Variants in PRKAR2B observed in about 807,000 individuals in gnomAD.
PRKAR2B encodes the protein cAMP-dependent protein kinase type II-beta regulatory subunit.
A neutral mutation model predicts 49.9 loss-of-function variants in PRKAR2B; 14 were observed. The ratio of observed to expected loss-of-function variants is 0.28; its 90% CI spans 0.19 to 0.44. PRKAR2B has a LOEUF of 0.44. Ranked by LOEUF, PRKAR2B falls within the 20% of genes least tolerant of loss-of-function variation. The probability of loss-of-function intolerance (pLI) is 1.00; values close to 1 mark genes in which losing one functional copy is unlikely to be tolerated. For missense variants in PRKAR2B, 393 were observed against 537.9 expected, an observed-to-expected ratio of 0.73 and a Z score of 2.67; for synonymous variants, 196 against 197.7, an observed-to-expected ratio of 0.99 and a Z score of 0.07.
chr7:107,110,355 C>A (rs973683454), intron 2 of PRKAR2B, among the ~76,000 whole-genome samples: 4 of 152,052 alleles, frequency 2.6e-5, no homozygotes, highest in African/African-American at 9.7e-5. Context: ...GACTTGAACT[C>A]CTAGGCAAAT....
chr7:107,151,778 C>A (rs1190931324), intron 7 of PRKAR2B, among the ~76,000 whole-genome samples: 1 of 152,074 alleles, frequency 6.6e-6, no homozygotes, highest in Non-Finnish European at 1.5e-5. Flanking sequence ...CTCTGCCTGG[C>A]GTTGTACTGC....
chr7:107,107,399 G>A (rs1225602016), intron 2 of PRKAR2B, among the ~76,000 whole-genome samples: 50 of 152,092 alleles, frequency 3.3e-4, no homozygotes, highest in Non-Finnish European at 1.0e-4. Context: ...GGACCCAAGT[G>A]GTGTTGCTAA....
Position 107,045,097 on chromosome 7 carries a change from G to T in PRKAR2B, c.190G>T (p.Ala64Ser). ...CAGGACCTGGGGGGACCTGGGCGCC[G>T]CTGCCGGGGGCGGCACCCCCAGCAA... Reference protein sequence around the residue: ...EGRTWGDLGAAAGGGTPSKGV... With the variant: ...EGRTWGDLGASAGGGTPSKGV... Residue 64 changes from alanine to serine, a missense_variant, in exon 1 of 11, where the codon GCT (alanine) becomes TCT (serine). Transcript: ENST00000265717. 2 of 1,529,144 alleles carry T rather than the reference G, an allele frequency of 1.3e-6. No individual in the cohort carries two copies. Among genetic ancestry groups the T allele is most frequent in the African/African-American group, 1.4e-5 (1 of 72,754 alleles). 94.7% of individuals were successfully genotyped at this position (1,529,144 alleles called of 1,614,324 possible). A position where few individuals can be genotyped will look rare whatever the true frequency, so the allele number is the denominator to read the frequency against.
At chr7:107,085,110 A>G (rs888162280) in intron 2 of PRKAR2B, among the ~76,000 whole-genome samples, 15 of 152,128 alleles carry the variant, frequency 9.9e-5, no homozygotes, top group Non-Finnish European at 4.4e-5. Context: ...CTCTGTTTGT[A>G]TAACTTGGAA....
intron 2 of PRKAR2B, among the ~76,000 whole-genome samples, chr7:107,118,820 AGC>A (rs1795337458): frequency 1.3e-5 from 2 of 152,156 alleles, no homozygotes; most frequent in Admixed American, 6.6e-5. Context: ...GTTGATAAGG[AGC>A]TTTATAAGGC....
chr7:107,128,168 G>T (rs751633356), intron 3 of PRKAR2B, 44 bp from the exon 4 acceptor site: 1 of 1,214,480 alleles, frequency 8.2e-7, no homozygotes, highest in Non-Finnish European at 1.2e-6. Flanking sequence ...GAGTGAGATG[G>T]TATTGGCTAA....
rs908645113 is a variant in PRKAR2B, at chr7:107,122,014, T to C, written c.396+10T>C. 13 of 1,564,232 alleles carry C rather than the reference T, an allele frequency of 8.3e-6. No individual in the cohort carries two copies. Among genetic ancestry groups the C allele is most frequent in the Non-Finnish European group, 1.1e-5 (13 of 1,144,688 alleles). On this transcript the variant is annotated intron_variant, in intron 3 of 10. Transcript: ENST00000265717. The stretch of plus-strand genomic sequence containing the variant: ...TGATGCAGAGTCCAGGGTATGTAAT[T>C]TACTGAATGAATGAATTTTAAATTG...
intron 2 of PRKAR2B, among the ~76,000 whole-genome samples, chr7:107,103,539 G>A (rs541661730): frequency 5.9e-5 from 9 of 152,322 alleles, no homozygotes; most frequent in Admixed American, 3.9e-4. Context: ...AGCTCAGATA[G>A]CCTGAGGCTG....
At chr7:107,117,482 G>T (rs568713842) in intron 2 of PRKAR2B, among the ~76,000 whole-genome samples, 1 of 152,270 alleles carries the variant, frequency 6.6e-6, no homozygotes, top group Admixed American at 6.5e-5. Context: ...AACTGTATTT[G>T]CCTTTTATTC....
rs1332326744 is a variant in PRKAR2B, at chr7:107,084,644, G to A, written c.343+14328G>A. Among the ~76,000 whole-genome samples, 6 of 144,866 alleles carry A rather than the reference G, an allele frequency of 4.1e-5. No homozygotes were observed. The South Asian group carries it at 8.9e-4, about 21-fold the overall frequency. On this transcript the variant is annotated intron_variant, in intron 2 of 10. Coordinates refer to ENST00000265717, the MANE Select transcript of PRKAR2B (RefSeq NM_002736.3). Reference sequence around the variant, plus strand: ...TATACTTTTTTTTTTTTTTTGAGATGGAGTCTTGCTCTGTCACCCACACTG... The same window carrying A: ...TATACTTTTTTTTTTTTTTTGAGATAGAGTCTTGCTCTGTCACCCACACTG...
Position 107,157,216 on chromosome 7 carries a change from G to C in PRKAR2B, c.1015G>C (p.Val339Leu), listed in dbSNP as rs547463316. Residue 339 changes from valine to leucine, a missense_variant, in exon 10 of 11, where the codon GTA (valine) becomes CTA (leucine). By Grantham distance (32) the Val-to-Leu change is conservative. This residue lies in a region of PRKAR2B where 233 missense variants were observed against 390.4 expected (regional missense o/e 0.60). Transcript: ENST00000265717. ...GKSEVEENGA[V>L]EIARCSRGQY... ...ATCAGAAGTGGAAGAGAATGGTGCA[G>C]TAGAAATCGCTCGATGCTCGCGGGG... 1 of 1,614,162 alleles carries C rather than the reference G, an allele frequency of 6.2e-7. No individual in the cohort carries two copies. Among genetic ancestry groups the C allele is most frequent in the South Asian group, 1.1e-5 (1 of 91,064 alleles).
intron 2 of PRKAR2B, among the ~76,000 whole-genome samples, chr7:107,076,025 A>G (rs143772967): frequency 1.7e-3 from 256 of 152,206 alleles, no homozygotes; most frequent in Non-Finnish European, 2.3e-3. Context: ...TTTTAATCCT[A>G]AGATACTGTT....
At chr7:107,093,787 T>C (rs1230839902) in intron 2 of PRKAR2B, among the ~76,000 whole-genome samples, 1 of 152,022 alleles carries the variant, frequency 6.6e-6, no homozygotes, top group Non-Finnish European at 1.5e-5. Flanking sequence ...TTGCGATAGT[T>C]TGCTCAGAAT....
Position 107,114,115 on chromosome 7 carries a change from G to A in PRKAR2B, c.344-7837G>A, listed in dbSNP as rs1795222649. ...TGAATGCATACTTGTAGAGCATGTT[G>A]TAGAAAGATACTTTATTGAGGTTAG... On this transcript the variant is annotated intron_variant, in intron 2 of 10. Coordinates refer to ENST00000265717, the MANE Select transcript of PRKAR2B (RefSeq NM_002736.3). 2.0e-5 allele frequency among the ~76,000 whole-genome samples: 3 copies of A among 152,130 alleles called. No individual in the cohort carries two copies. In the South Asian group the frequency reaches 6.2e-4, roughly 32 times the overall value.
rs1223989656 is a variant in PRKAR2B, at chr7:107,161,618, C to T, written c.*2036C>T. ...GCAATGTGGCATGTGGAAGCGAACC[C>T]CCAGGGCATAACATAGTAAGAAAGT... On this transcript the variant is annotated 3_prime_UTR_variant, in exon 11 of 11. Coordinates refer to ENST00000265717, the MANE Select transcript of PRKAR2B (RefSeq NM_002736.3). 6.6e-6 allele frequency: 1 copy of T among 152,418 alleles called. No homozygotes were observed. Among genetic ancestry groups the T allele is most frequent in the East Asian group, 1.9e-4 (1 of 5,192 alleles). The allele number at this position is 152,418 out of a possible 1,614,324, so 9.4% of individuals were successfully genotyped here. A position where few individuals can be genotyped will look rare whatever the true frequency, so the allele number is the denominator to read the frequency against.
rs1794601578 is a variant in PRKAR2B, at chr7:107,085,450, A to G, written c.343+15134A>G. On this transcript the variant is annotated intron_variant, in intron 2 of 10. Coordinates refer to ENST00000265717, the MANE Select transcript of PRKAR2B (RefSeq NM_002736.3). ...TTTTATAGTTGTGATTAGTATATGC[A>G]TATATGTTACATCATTAAAAAACTT... Among the ~76,000 whole-genome samples, 4 of 152,206 alleles carry G rather than the reference A, an allele frequency of 2.6e-5. No homozygotes were observed. In the South Asian group the frequency reaches 8.3e-4, roughly 31 times the overall value.
intron 1 of PRKAR2B, among the ~76,000 whole-genome samples, chr7:107,060,046 T>C (rs552186461): frequency 2.3e-4 from 25 of 108,776 alleles, no homozygotes; most frequent in African/African-American, 1.1e-3. Context: ...GTTTTGTTTG[T>C]TTTGGAAAAT....
At chr7:107,088,139 G>C (rs113841792) in intron 2 of PRKAR2B, among the ~76,000 whole-genome samples, 13,095 of 152,200 alleles carry the variant, frequency 0.086, 643 homozygotes, top group Middle Eastern at 0.18. Flanking sequence ...AAATTAACTG[G>C]TAGAAGGAAC....
chr7:107,045,229 C>T lies in PRKAR2B; in HGVS notation c.307+15C>T. ...GGCGTTCAATGGTGAGGACCAGACC[C>T]CCCACTTCGCGCCCCCGGATCCCCT... On this transcript the variant is annotated intron_variant, in intron 1 of 10. Coordinates refer to ENST00000265717, the MANE Select transcript of PRKAR2B (RefSeq NM_002736.3). The T allele has an allele frequency of 7.1e-7, 1 of 1,404,854 alleles. No individual in the cohort carries two copies. The highest frequency in any genetic ancestry group is 3.0e-5 in the Admixed American group (1 of 33,170). The allele number at this position is 1,404,854 out of a possible 1,614,324, so 87.0% of individuals were successfully genotyped here. A position where few individuals can be genotyped will look rare whatever the true frequency, so the allele number is the denominator to read the frequency against.
Sources: gnomAD v4.1 joint callset for allele counts (sites outside exome capture counted in the v4.1 genomes callset) on GRCh38, gnomAD v4.1.1 for gene constraint, gnomAD v4.1.1 regional missense constraint, MANE v1.5 for transcripts, NCBI Gene and HGNC (gene_info 2026-07-23, HGNC 2026-07-21) for gene names.